The following DENND4C variants were observed in gnomAD, a reference collection of about 807,000 sequenced individuals.
DENND4C encodes DENN domain containing 4C, also known as DENN domain-containing protein 4C.
A neutral mutation model predicts 203.0 loss-of-function variants in DENND4C; 108 were observed. The observed-to-expected ratio is 0.53, with a 90% CI of 0.46 to 0.62. DENND4C has a LOEUF of 0.62. Ranked by LOEUF, DENND4C falls within the 20% of genes least tolerant of loss-of-function variation. The probability of loss-of-function intolerance (pLI) is 0.00; values close to 1 mark genes in which losing one functional copy is unlikely to be tolerated. For synonymous variants in DENND4C, 871 were observed against 792.4 expected, an observed-to-expected ratio of 1.10 and a Z score of -1.67; for missense variants, 2,481 against 2,301.2, an observed-to-expected ratio of 1.08 and a Z score of -1.60.
chr9:19,271,443 C>A (rs570767126), intron 1 of DENND4C, among the ~76,000 whole-genome samples: 1 of 152,090 alleles, frequency 6.6e-6, no homozygotes, highest in Non-Finnish European at 1.5e-5. Flanking sequence ...TCAAGTGATC[C>A]GCCTACCTCT....
intron 1 of DENND4C, among the ~76,000 whole-genome samples, chr9:19,234,355 C>G (rs940788930): frequency 6.6e-6 from 1 of 151,806 alleles, no homozygotes; most frequent in Non-Finnish European, 1.5e-5. Context: ...CTCACCCTCC[C>G]GAGTAGCTGG....
At chr9:19,269,426 T>C (rs762888902) in intron 1 of DENND4C, among the ~76,000 whole-genome samples, 35 of 152,206 alleles carry the variant, frequency 2.3e-4, no homozygotes, top group Admixed American at 5.9e-4. Flanking sequence ...CCCAAAATGC[T>C]GGGATTACAG....
Position 19,299,288 on chromosome 9 carries a change from G to GTAAT in DENND4C, c.1166+4_1166+7dup. 1 of 1,552,856 alleles carries GTAAT rather than the reference G, an allele frequency of 6.4e-7. No individual in the cohort carries two copies. The highest frequency in any genetic ancestry group is 8.7e-7 in the Non-Finnish European group (1 of 1,145,032). On this transcript the variant is annotated splice_donor_variant, in intron 8 of 32. Transcript: ENST00000434457. LOFTEE classifies it high-confidence loss of function. ...CAGTTTCTACACCTTTACCACTAAG[G>GTAAT]TAATTACTGGTATTTAAAATGATAT...
At chr9:19,300,749 T>C (rs1838388953) in intron 9 of DENND4C, among the ~76,000 whole-genome samples, 1 of 152,228 alleles carries the variant, frequency 6.6e-6, no homozygotes, top group Admixed American at 6.5e-5. Flanking sequence ...TACAGGAAAT[T>C]CTAAGTGATT....
chr9:19,234,469 AT>A (rs1821371262), intron 1 of DENND4C, among the ~76,000 whole-genome samples: 1 of 148,548 alleles, frequency 6.7e-6, no homozygotes, highest in Non-Finnish European at 1.5e-5. Context: ...TGAACTCGTT[AT>A]CCACCCACCT....
chr9:19,265,241 T>G (rs1220419573), intron 1 of DENND4C, among the ~76,000 whole-genome samples: 1 of 152,052 alleles, frequency 6.6e-6, no homozygotes, highest in African/African-American at 2.4e-5. Flanking sequence ...GGTCTCGCAC[T>G]CTGGGGCTCA....
At chr9:19,329,595 C>G (rs1818626792) in intron 16 of DENND4C, among the ~76,000 whole-genome samples, 1 of 152,140 alleles carries the variant, frequency 6.6e-6, no homozygotes, top group African/African-American at 2.4e-5. Flanking sequence ...GATGGTTACT[C>G]TGTGTTCAAC....
intron 2 of DENND4C, among the ~76,000 whole-genome samples, chr9:19,283,432 A>T (rs73429059): frequency 6.6e-6 from 1 of 152,000 alleles, no homozygotes; most frequent in African/African-American, 2.4e-5. Context: ...TAATGATAAA[A>T]GGTATAGTAT....
rs776777956 is a variant in DENND4C, at chr9:19,316,745, G to A, written c.1713G>A (p.Ala571=). The change falls in exon 12 of 33, where the codon GCG becomes GCA. Residue 571 remains alanine (A), a synonymous_variant. Transcript: ENST00000434457. The part of the protein sequence containing the change: ...EIQEAFLRFM[A]SILKGYRTYL... ...AAGAGGCATTTTTGCGCTTTATGGC[G>A]TCTATTTTAAAAGGATATAGAACAT... 45 of 1,613,894 alleles carry A rather than the reference G, an allele frequency of 2.8e-5. No individual in the cohort carries two copies. Among genetic ancestry groups the A allele is most frequent in the African/African-American group, 6.7e-5 (5 of 74,894 alleles).
chr9:19,276,472 G>T lies in DENND4C; in HGVS notation c.298G>T (p.Asp100Tyr). ...AGGGAGAGATAAACCACCGCTTACA[G>T]ATATTGGGTATGGTGACTTCTTTTC... is the stretch of plus-strand genomic sequence containing the variant. The part of the protein sequence containing the change: ...KRGRDKPPLT[D>Y]IGVLYEGKER... Residue 100 changes from aspartate (D) to tyrosine (Y), a missense_variant, in exon 2 of 33, where the codon GAT becomes TAT. This residue lies in a region of DENND4C where 187 missense variants were observed against 167.4 expected (regional missense o/e 1.12). Transcript: ENST00000434457. 8.1e-7 allele frequency: 1 copy of T among 1,232,008 alleles called. No homozygotes were observed. Among genetic ancestry groups the T allele is most frequent in the South Asian group, 4.1e-5 (1 of 24,304 alleles). The allele number at this position is 1,232,008 out of a possible 1,614,324, so 76.3% of individuals were successfully genotyped here.
chr9:19,346,473 A>G lies in DENND4C; in HGVS notation c.3704A>G (p.Tyr1235Cys), dbSNP rs764989554. 2.5e-6 allele frequency: 4 copies of G among 1,614,180 alleles called. No homozygotes were observed. Among genetic ancestry groups the G allele is most frequent in the Non-Finnish European group, 3.4e-6 (4 of 1,180,032 alleles). The change falls in exon 23 of 33, where the codon TAT (tyrosine) becomes TGT (cysteine). Residue 1235 changes from tyrosine (Y) to cysteine (C), a missense_variant. Transcript: ENST00000434457. Reference protein sequence around the residue: ...KDLRNKRSSLYGIAKVVQRED... With the variant: ...KDLRNKRSSLCGIAKVVQRED... ...CTGAGGAATAAGAGAAGTAGTTTAT[A>G]TGGTATTGCTAAGGTGGTTCAGAGG...
chr9:19,248,997 G>A (rs897708953), intron 1 of DENND4C, among the ~76,000 whole-genome samples: 64 of 151,876 alleles, frequency 4.2e-4, no homozygotes, highest in Admixed American at 2.9e-3. Flanking sequence ...CACCATGTTG[G>A]TCATGTTGGT....
Position 19,325,991 on chromosome 9 carries a change from T to C in DENND4C, c.1989+17T>C. On this transcript the variant is annotated intron_variant, in intron 14 of 32. Coordinates refer to ENST00000434457, the MANE Select transcript of DENND4C (RefSeq NM_001330640.2). Reference sequence around the variant, plus strand: ...ACAGATAAGGTATGTTTTTCTTAGATTTTAAGGGTTGAAATTTCAGAATTA... The same window carrying C: ...ACAGATAAGGTATGTTTTTCTTAGACTTTAAGGGTTGAAATTTCAGAATTA... The C allele has an allele frequency of 6.2e-7, 1 of 1,608,982 alleles. No individual in the cohort carries two copies. The highest frequency in any genetic ancestry group is 8.5e-7 in the Non-Finnish European group (1 of 1,178,204).
chr9:19,326,127 C>T lies in DENND4C; in HGVS notation c.2053C>T (p.His685Tyr), dbSNP rs1817780646. Residue 685 changes from histidine (H) to tyrosine (Y), a missense_variant, in exon 15 of 33, where the codon CAT becomes TAT. This residue lies in a region of DENND4C where 2,289 missense variants were observed against 2,113.3 expected (regional missense o/e 1.08). Transcript: ENST00000434457. ...ACTAGATGATTCACAGAAAAGTGAG[C>T]ATACTGTATTTATAATGCCGCCAGA... ...IELDDSQKSE[H>Y]TVFIMPPEPP... is the part of the protein sequence containing the mutation. The T allele has an allele frequency of 6.2e-7, 1 of 1,613,306 alleles. No homozygotes were observed. Among genetic ancestry groups the T allele is most frequent in the African/African-American group, 1.3e-5 (1 of 74,876 alleles).
chr9:19,245,011 G>A (rs1487548962), intron 1 of DENND4C, among the ~76,000 whole-genome samples: 1 of 152,120 alleles, frequency 6.6e-6, no homozygotes, highest in African/African-American at 2.4e-5. Flanking sequence ...TTTGCAGATC[G>A]CAGGTTTCTT....
chr9:19,358,223 T>A lies in DENND4C; in HGVS notation c.5160+63T>A, dbSNP rs1825793774. ...CACACCTAAGTATATAGTAGAACATTATAAATTCTTCTGTAGTGGACTTAT... is the reference window on the plus strand; with the variant it reads ...CACACCTAAGTATATAGTAGAACATAATAAATTCTTCTGTAGTGGACTTAT... On this transcript the variant is annotated intron_variant, in intron 28 of 32. Transcript: ENST00000434457. This position sits in a 1 kb window ranked among gnomAD's most constrained non-coding sequence, Gnocchi z 4.8. 1 of 1,316,944 alleles carries A rather than the reference T, an allele frequency of 7.6e-7. No individual in the cohort carries two copies. The highest frequency in any genetic ancestry group is 1.5e-5 in the African/African-American group (1 of 68,364). 81.6% of individuals were successfully genotyped at this position (1,316,944 alleles called of 1,614,324 possible).
At chr9:19,369,776 AAAATAAT>A in intron 30 of DENND4C, 54 bp from the exon 31 acceptor site, 2 of 1,034,522 alleles carry the variant, frequency 1.9e-6, no homozygotes, top group South Asian at 4.2e-5. Context: ...CAAAAAAAAA[AAAATAAT>A]AATAATAATA....
intron 1 of DENND4C, among the ~76,000 whole-genome samples, chr9:19,237,775 AAATAT>A (rs1021306365): frequency 3.2e-4 from 48 of 152,210 alleles, no homozygotes; most frequent in African/African-American, 1.0e-3. Flanking sequence ...TATCCTCTAG[AAATAT>A]AATATAAACC....
At chr9:19,356,361 G>T (rs182766197) in intron 26 of DENND4C, among the ~76,000 whole-genome samples, 5 of 152,168 alleles carry the variant, frequency 3.3e-5, no homozygotes, top group African/African-American at 7.2e-5. Flanking sequence ...AAGAATAAAT[G>T]CATGTATTTG....
Sources: gnomAD v4.1 joint callset for allele counts (sites outside exome capture counted in the v4.1 genomes callset) on GRCh38, gnomAD v4.1.1 for gene constraint, gnomAD v4.1.1 regional missense constraint, Gnocchi (gnomAD v3.1) non-coding constraint, MANE v1.5 for transcripts, NCBI Gene and HGNC (gene_info 2026-07-23, HGNC 2026-07-21) for gene names.